The following CAP2 variants were observed in gnomAD, a reference collection of about 807,000 sequenced individuals.
CAP2 encodes adenylyl cyclase-associated protein 2.
A neutral mutation model predicts 57.7 loss-of-function variants in CAP2; 24 were observed. That is an observed-to-expected ratio of 0.42 (90% confidence interval 0.30 to 0.58). CAP2 has a LOEUF of 0.58. CAP2 is among the 20% of genes least tolerant of loss of function. CAP2 has a pLI of 0.22. For synonymous variants in CAP2, 194 were observed against 207.2 expected, an observed-to-expected ratio of 0.94 and a Z score of 0.55; for missense variants, 501 against 590.3, an observed-to-expected ratio of 0.85 and a Z score of 1.57.
At chr6:17,484,419 G>A (rs1029052342) in intron 4 of CAP2, among the ~76,000 whole-genome samples, 3 of 152,116 alleles carry the variant, frequency 2.0e-5, no homozygotes, top group Admixed American at 6.5e-5. Context: ...TCAGACATAC[G>A]CTGTGCATCT....
At chr6:17,415,915 C>T (rs1205808898) in intron 1 of CAP2, among the ~76,000 whole-genome samples, 1 of 151,990 alleles carries the variant, frequency 6.6e-6, no homozygotes, top group African/African-American at 2.4e-5. Flanking sequence ...GCTTAACAGA[C>T]CCTTCACCAA....
At chr6:17,457,958 G>A (rs762350502) in intron 3 of CAP2, among the ~76,000 whole-genome samples, 1 of 152,186 alleles carries the variant, frequency 6.6e-6, no homozygotes, top group Non-Finnish European at 1.5e-5. Flanking sequence ...GCTCTGCAAG[G>A]CTTGTCATAG....
At position 17,395,505 on chromosome 6, in the gene CAP2, G is replaced by A. The variant is rs115809694; in HGVS notation, c.-2+1759G>A. Among the ~76,000 whole-genome samples, 520 of 152,276 alleles carry A rather than the reference G, an allele frequency of 3.4e-3. 3 individuals are homozygous for A. The highest frequency in any genetic ancestry group is 0.012 in the African/African-American group (486 of 41,548). On this transcript the variant is annotated intron_variant, in intron 1 of 12. Coordinates refer to ENST00000229922, the MANE Select transcript of CAP2 (RefSeq NM_006366.3). Reference sequence around the variant, plus strand: ...AGAAGGGAATGGATTTGTCCTTCTAGTAGTAGTTTGCTACTCCCACTGATT... The same window carrying A: ...AGAAGGGAATGGATTTGTCCTTCTAATAGTAGTTTGCTACTCCCACTGATT...
At chr6:17,449,058 G>A (rs573528745) in intron 3 of CAP2, among the ~76,000 whole-genome samples, 11 of 152,186 alleles carry the variant, frequency 7.2e-5, no homozygotes, top group East Asian at 1.9e-4. Context: ...CACAGCGCCC[G>A]GCCTACGTCA....
chr6:17,556,263 C>A, intron 12 of CAP2, 96 bp from the exon 13 acceptor site: 2 of 850,178 alleles, frequency 2.4e-6, no homozygotes, highest in Non-Finnish European at 3.9e-6. Flanking sequence ...TATCATGTGG[C>A]ACAAATCAGC....
chr6:17,402,383 T>C (rs1435079640), intron 1 of CAP2, among the ~76,000 whole-genome samples: 2 of 152,232 alleles, frequency 1.3e-5, no homozygotes, highest in African/African-American at 2.4e-5. Flanking sequence ...TTTCTGAGTA[T>C]AAATTTCGTT....
chr6:17,434,131 C>G (rs945375336), intron 3 of CAP2, among the ~76,000 whole-genome samples: 1 of 152,116 alleles, frequency 6.6e-6, no homozygotes, highest in Non-Finnish European at 1.5e-5. Context: ...TTTTCTTTTT[C>G]CTGGACAGCA....
Position 17,496,028 on chromosome 6 carries a change from G to GGCGT in CAP2, c.301-11140_301-11139insCGTG, listed in dbSNP as rs71866539. On this transcript the variant is annotated intron_variant, in intron 4 of 12. Transcript: ENST00000229922. ...AACTGCTGTGCATGCGTGTGTGGGTGGGGGGGGGGGGTAAGTCAGGGAAAA... is the reference window on the plus strand; with the variant it reads ...AACTGCTGTGCATGCGTGTGTGGGTGGCGTGGGGGGGGGGGTAAGTCAGGGAAAA... Among the ~76,000 whole-genome samples, 2 of 19,426 alleles carry GGCGT rather than the reference G, an allele frequency of 1.0e-4. 1 individual carries two copies. Among genetic ancestry groups the GGCGT allele is most frequent in the Non-Finnish European group, 3.4e-4 (2 of 5,868 alleles). The allele number at this position is 19,426 out of a possible 152,430, so 12.7% of individuals were successfully genotyped here.
chr6:17,506,637 CA>C (rs11299768), intron 4 of CAP2, among the ~76,000 whole-genome samples: 75,642 of 145,332 alleles, frequency 0.52, 19,406 homozygotes, highest in Admixed American at 0.58. Flanking sequence ...GACTCCATCT[CA>C]AAAAAAAAAA....
intron 3 of CAP2, among the ~76,000 whole-genome samples, chr6:17,446,756 G>A (rs938369159): frequency 5.3e-5 from 8 of 152,200 alleles, no homozygotes; most frequent in Admixed American, 2.6e-4. Flanking sequence ...AAAATGCTTG[G>A]AATCAAGATA....
At chr6:17,404,255 G>A (rs535144567) in intron 1 of CAP2, among the ~76,000 whole-genome samples, 56 of 152,218 alleles carry the variant, frequency 3.7e-4, no homozygotes, top group Admixed American at 2.7e-3. Context: ...GGTGGATCAC[G>A]AGGTCAGGCG....
chr6:17,490,210 A>G (rs1418288172), intron 4 of CAP2, among the ~76,000 whole-genome samples: 1 of 152,140 alleles, frequency 6.6e-6, no homozygotes, highest in African/African-American at 2.4e-5. Flanking sequence ...AACTTTTACC[A>G]TATGTTATTT....
At chr6:17,542,756 T>G in intron 9 of CAP2, 81 bp from the exon 10 acceptor site, 2 of 1,109,698 alleles carry the variant, frequency 1.8e-6, no homozygotes, top group Non-Finnish European at 2.7e-6. Flanking sequence ...TACTTCATGC[T>G]GAGCTCGTAC....
intron 7 of CAP2, among the ~76,000 whole-genome samples, chr6:17,532,636 T>C (rs1268652144): frequency 1.3e-5 from 2 of 149,508 alleles, no homozygotes; most frequent in South Asian, 2.1e-4. Flanking sequence ...TAATCCCAGC[T>C]ACTGGGAGGC....
intron 3 of CAP2, among the ~76,000 whole-genome samples, chr6:17,460,696 T>A (rs934419034): frequency 1.3e-5 from 2 of 152,218 alleles, no homozygotes; most frequent in African/African-American, 4.8e-5. Context: ...GTGCAGAAAC[T>A]TTTCTTTGAA....
intron 3 of CAP2, among the ~76,000 whole-genome samples, chr6:17,452,311 T>G (rs1488936795): frequency 6.6e-6 from 1 of 152,230 alleles, no homozygotes; most frequent in African/African-American, 2.4e-5. Context: ...ACTGTGTTAC[T>G]GACAAAACAG....
rs572462945 is a variant in CAP2, at chr6:17,537,173, G to A, written c.637-2096G>A. On this transcript the variant is annotated intron_variant, in intron 7 of 12. Transcript: ENST00000229922. ...ATTATATAAGTGCTTTGAAAATAGC[G>A]TGTTGTGTTGTTTTGTTTTGTTTTG... Among the ~76,000 whole-genome samples, 17 of 152,182 alleles carry A rather than the reference G, an allele frequency of 1.1e-4. 2 individuals carry two copies. Among genetic ancestry groups the A allele is most frequent in the African/African-American group, 2.9e-4 (12 of 41,524 alleles).
chr6:17,533,184 A>G (rs191239125), intron 7 of CAP2, among the ~76,000 whole-genome samples: 1 of 152,180 alleles, frequency 6.6e-6, no homozygotes, highest in Admixed American at 6.5e-5. Flanking sequence ...AATGAAAACA[A>G]ATTTTGATGT....
chr6:17,469,953 GC>G (rs1296311083), intron 4 of CAP2, among the ~76,000 whole-genome samples: 1 of 152,166 alleles, frequency 6.6e-6, no homozygotes, highest in Non-Finnish European at 1.5e-5. Flanking sequence ...TAGGACTTAA[GC>G]TAATTATTTA....
Sources: gnomAD v4.1 joint callset for allele counts (sites outside exome capture counted in the v4.1 genomes callset) on GRCh38, gnomAD v4.1.1 for gene constraint, MANE v1.5 for transcripts, NCBI Gene and HGNC (gene_info 2026-07-23, HGNC 2026-07-21) for gene names.